The following CBY1 variants were observed in gnomAD, a reference collection of about 807,000 sequenced individuals.
CBY1 encodes protein chibby homolog 1.
A neutral mutation model predicts 15.6 loss-of-function variants in CBY1; 10 were observed. The observed-to-expected ratio is 0.64, with a 90% CI of 0.40 to 1.09. CBY1 has a LOEUF of 1.09. CBY1 is among the 50% of genes least tolerant of loss of function. CBY1 has a pLI of 0.01. For missense variants in CBY1, 150 were observed against 160.5 expected, an observed-to-expected ratio of 0.93 and a Z score of 0.35; for synonymous variants, 61 against 63.5, an observed-to-expected ratio of 0.96 and a Z score of 0.19.
chr22:38,664,690 A>C (rs992352405), intron 1 of CBY1, among the ~76,000 whole-genome samples: 21 of 152,212 alleles, frequency 1.4e-4, no homozygotes. Flanking sequence ...AGGAGTCTAA[A>C]TTGGTACAAT....
Position 38,673,412 on chromosome 22 carries a change from G to C in CBY1, c.*176G>C, listed in dbSNP as rs1339201991. On this transcript the variant is annotated 3_prime_UTR_variant, in exon 5 of 5. Coordinates refer to ENST00000216029, the MANE Select transcript of CBY1 (RefSeq NM_015373.4). ...GGAGAAAACCAAGATTCCAGATGGGGATAGTAACTAGAAGGTGCTTCAGAT... is the reference window on the plus strand; with the variant it reads ...GGAGAAAACCAAGATTCCAGATGGGCATAGTAACTAGAAGGTGCTTCAGAT... 1 of 539,026 alleles carries C rather than the reference G, an allele frequency of 1.9e-6. No individual in the cohort carries two copies. The highest frequency in any genetic ancestry group is 3.0e-5 in the Admixed American group (1 of 32,976). 33.4% of individuals were successfully genotyped at this position (539,026 alleles called of 1,614,324 possible).
rs981521448 is a variant in CBY1 at position 38,673,667 on chromosome 22, G to A, written c.*431G>A. On this transcript the variant is annotated 3_prime_UTR_variant, in exon 5 of 5. Coordinates refer to ENST00000216029, the MANE Select transcript of CBY1 (RefSeq NM_015373.4). ...CTCTGTGTTGGGGTCATGGATGAGC[G>A]GCTCTCTTGGCTCTTAAAGGCAGGC... 3 of 157,434 alleles carry A rather than the reference G, an allele frequency of 1.9e-5. No individual in the cohort carries two copies. Among genetic ancestry groups the A allele is most frequent in the South Asian group, 1.8e-4 (1 of 5,436 alleles). 9.8% of individuals were successfully genotyped at this position (157,434 alleles called of 1,614,324 possible). A position where few individuals can be genotyped will look rare whatever the true frequency, so the allele number is the denominator to read the frequency against.
intron 1 of CBY1, chr22:38,657,200 G>C: frequency 3.1e-6 from 2 of 655,338 alleles, no homozygotes; most frequent in Non-Finnish European, 3.8e-6. Context: ...ACAATGATTA[G>C]TGATTAGTAT....
rs200231550 is a variant in CBY1 at position 38,657,826 on chromosome 22, T to TG, written c.-39+1077dup. ...AGTGCAGTTAGCATCAGTGGGGACT[T>TG]GACTTATTTCTCCTTCTTCAAATGT... is the stretch of plus-strand genomic sequence containing the variant. On this transcript the variant is annotated intron_variant, in intron 1 of 4. Coordinates refer to ENST00000216029, the MANE Select transcript of CBY1 (RefSeq NM_015373.4). Among the ~76,000 whole-genome samples, 992 of 152,324 alleles carry TG rather than the reference T, an allele frequency of 6.5e-3. 6 individuals are homozygous for TG. Among genetic ancestry groups the TG allele is most frequent in the Non-Finnish European group, 0.011 (721 of 68,022 alleles).
chr22:38,659,656 A>G (rs1386036581), intron 1 of CBY1, among the ~76,000 whole-genome samples: 2 of 151,924 alleles, frequency 1.3e-5, no homozygotes, highest in Non-Finnish European at 2.9e-5. Flanking sequence ...AGGTCAGGAG[A>G]TCGAGACCAT....
chr22:38,662,100 G>A (rs1396477350), intron 1 of CBY1, among the ~76,000 whole-genome samples: 2 of 152,054 alleles, frequency 1.3e-5, no homozygotes, highest in East Asian at 1.9e-4. Flanking sequence ...TCAGGAGTTC[G>A]TGACCAGCCT....
Position 38,673,427 on chromosome 22 carries a change from G to A in CBY1, c.*191G>A, listed in dbSNP as rs1004335353. 2 of 510,814 alleles carry A rather than the reference G, an allele frequency of 3.9e-6. No individual in the cohort carries two copies. Among genetic ancestry groups the A allele is most frequent in the South Asian group, 2.1e-5 (1 of 48,218 alleles). 31.6% of individuals were successfully genotyped at this position (510,814 alleles called of 1,614,324 possible). A position where few individuals can be genotyped will look rare whatever the true frequency, so the allele number is the denominator to read the frequency against. On this transcript the variant is annotated 3_prime_UTR_variant, in exon 5 of 5. Transcript: ENST00000216029. ...TCCAGATGGGGATAGTAACTAGAAG[G>A]TGCTTCAGATGCACTGCCTGCGGGT...
At chr22:38,659,817 G>A (rs1482027925) in intron 1 of CBY1, among the ~76,000 whole-genome samples, 3 of 137,618 alleles carry the variant, frequency 2.2e-5, no homozygotes, top group Non-Finnish European at 3.0e-5. Flanking sequence ...AGCCGACATC[G>A]CACCACTGCA....
chr22:38,662,808 A>C (rs2092425699), intron 1 of CBY1, among the ~76,000 whole-genome samples: 1 of 152,160 alleles, frequency 6.6e-6, no homozygotes, highest in Admixed American at 6.6e-5. Flanking sequence ...GGGGTAGGCA[A>C]ACATTTTAAA....
rs758845842 is a variant in CBY1 at position 38,673,369 on chromosome 22, T to C, written c.*133T>C. 23 of 605,108 alleles carry C rather than the reference T, an allele frequency of 3.8e-5. No homozygotes were observed. The highest frequency in any genetic ancestry group is 7.5e-5 in the African/African-American group (4 of 53,438). The allele number at this position is 605,108 out of a possible 1,614,324, so 37.5% of individuals were successfully genotyped here. ...GGCACTGGCACCCTTGGGTTGGCAA[T>C]AGAAGGTGACATGGAATGGAGAAAA... is the stretch of plus-strand genomic sequence containing the variant. On this transcript the variant is annotated 3_prime_UTR_variant, in exon 5 of 5. Coordinates refer to ENST00000216029, the MANE Select transcript of CBY1 (RefSeq NM_015373.4).
intron 1 of CBY1, among the ~76,000 whole-genome samples, chr22:38,659,666 T>G (rs1398960496): frequency 6.6e-6 from 1 of 151,868 alleles, no homozygotes; most frequent in Non-Finnish European, 1.5e-5. Flanking sequence ...ATCGAGACCA[T>G]CCTGGCTAAC....
chr22:38,664,796 T>G (rs1428793928), intron 1 of CBY1, among the ~76,000 whole-genome samples: 2 of 152,140 alleles, frequency 1.3e-5, no homozygotes. Flanking sequence ...ACCAGAAAAG[T>G]GTACATATGC....
chr22:38,663,715 A>G (rs1219913224), intron 1 of CBY1, among the ~76,000 whole-genome samples: 21 of 142,600 alleles, frequency 1.5e-4, no homozygotes, highest in East Asian at 6.2e-4. Context: ...AAAAAAAAAA[A>G]GGAAAAAAAA....
chr22:38,656,750 G>A lies in CBY1; in HGVS notation c.-39G>A, dbSNP rs536694074. 1 of 152,522 alleles carries A rather than the reference G, an allele frequency of 6.6e-6. No homozygotes were observed. The highest frequency in any genetic ancestry group is 1.9e-4 in the East Asian group (1 of 5,188). The allele number at this position is 152,522 out of a possible 1,614,324, so 9.4% of individuals were successfully genotyped here. A position where few individuals can be genotyped will look rare whatever the true frequency, so the allele number is the denominator to read the frequency against. On this transcript the variant is annotated splice_region_variant and 5_prime_UTR_variant, in exon 1 of 5. Transcript: ENST00000216029. ...GGACCCCGGCTTCTGGGACGCGTCA[G>A]GTACGTCTCCGAGTCCGGCGTCGCC...
intron 2 of CBY1, 170 bp from the exon 3 acceptor site, chr22:38,670,710 CAATT>C (rs1391022728): frequency 1.7e-5 from 10 of 586,976 alleles, no homozygotes; most frequent in Non-Finnish European, 2.4e-5. Context: ...TTTTATCTCA[CAATT>C]AAACTTTTCC....
At chr22:38,668,159 G>A (rs758394497) in intron 2 of CBY1, 27 bp downstream of exon 2, 2 of 1,385,242 alleles carry the variant, frequency 1.4e-6, no homozygotes, top group African/African-American at 1.4e-5. Flanking sequence ...GGGTCGGCCG[G>A]GTGTGCAGCA....
At chr22:38,668,984 G>C (rs2092444888) in intron 2 of CBY1, among the ~76,000 whole-genome samples, 1 of 152,190 alleles carries the variant, frequency 6.6e-6, no homozygotes, top group Non-Finnish European at 1.5e-5. Flanking sequence ...GAGAGATGCA[G>C]ATACACCTGG....
At chr22:38,670,718 C>G in intron 2 of CBY1, 166 bp from the exon 3 acceptor site, 1 of 596,032 alleles carries the variant, frequency 1.7e-6, no homozygotes, top group Non-Finnish European at 3.0e-6. Context: ...CACAATTAAA[C>G]TTTTCCTGTA....
At chr22:38,671,467 T>G in intron 4 of CBY1, 1 of 400,644 alleles carries the variant, frequency 2.5e-6, no homozygotes, top group Non-Finnish European at 4.6e-6. Flanking sequence ...TCGGGAGAGC[T>G]TCCCAGAGGA....
Sources: allele counts gnomAD v4.1 joint callset (sites outside exome capture counted in the v4.1 genomes callset), GRCh38; gene constraint gnomAD v4.1.1; transcripts MANE v1.5; gene names NCBI Gene and HGNC (gene_info 2026-07-23, HGNC 2026-07-21).